SPTB: variants seen among roughly 807,000 people sequenced by gnomAD.
SPTB encodes spectrin beta, erythrocytic.
In SPTB, 45 loss-of-function variants were observed where a neutral mutation model predicts 256.2. The observed-to-expected ratio is 0.18, with a 90% CI of 0.14 to 0.23. The LOEUF is 0.23. SPTB is among the 10% of genes least tolerant of loss of function. The pLI, the probability that SPTB is intolerant of heterozygous loss-of-function variation, is 1.00. For synonymous variants in SPTB, 1,231 were observed against 1,243.1 expected (o/e 0.99, Z 0.21); for missense variants, 2,715 against 3,040.4 (o/e 0.89, Z 2.52).
intron 32 of SPTB, among the ~76,000 whole-genome samples, chr14:64,765,054 G>A (rs1285981540): frequency 4.0e-5 from 6 of 148,682 alleles, no homozygotes; most frequent in Non-Finnish European, 6.0e-5. Context: ...GCGCGCGCGC[G>A]CGGGTGGTGG....
chr14:64,782,316 C>T lies in SPTB; in HGVS notation c.4240G>A (p.Val1414Ile). The T allele has an allele frequency of 6.2e-7, 1 of 1,614,240 alleles. No individual in the cohort carries two copies. Among genetic ancestry groups the T allele is most frequent in the South Asian group, 1.1e-5 (1 of 91,080 alleles). The part of the protein sequence containing the change: ...SDDPGKDLTS[V>I]NRMLAKLKRV... ...TTCAGCTTAGCCAACATCCGATTGA[C>T]ACTGGTCAGGTCCTTGCCCGGGTCG... Residue 1414 changes from valine (V) to isoleucine (I), a missense_variant, in exon 20 of 36, where the codon GTC (valine) becomes ATC (isoleucine). Coordinates refer to ENST00000644917, the MANE Select transcript of SPTB (RefSeq NM_001355436.2).
At position 64,767,829 on chromosome 14, in the gene SPTB, G is replaced by A; in HGVS notation, c.6053C>T (p.Ala2018Val). 1.2e-6 allele frequency: 2 copies of A among 1,614,042 alleles called. No homozygotes were observed. The highest frequency in any genetic ancestry group is 8.5e-7 in the Non-Finnish European group (1 of 1,179,980). The change falls in exon 30 of 36, where the codon GCC (alanine) becomes GTC (valine). Residue 2018 changes from alanine (A) to valine (V), a missense_variant. Transcript: ENST00000644917. Reference protein sequence around the residue: ...LLEVCQFSRDASVAEAWLIAQ... With the variant: ...LLEVCQFSRDVSVAEAWLIAQ... The stretch of plus-strand genomic sequence containing the variant: ...AATCAGCCACGCCTCAGCCACAGAG[G>A]CATCCCTCGAGAACTGGCACACCTC...
chr14:64,831,720 G>A (rs148773999), intron 1 of SPTB, among the ~76,000 whole-genome samples: 9 of 152,278 alleles, frequency 5.9e-5, no homozygotes, highest in South Asian at 2.1e-4. Flanking sequence ...TTGTGGTGGC[G>A]GGGAGGTGGA....
chr14:64,877,266 A>C (rs190499078), intron 1 of SPTB, among the ~76,000 whole-genome samples: 1 of 152,342 alleles, frequency 6.6e-6, no homozygotes, highest in Non-Finnish European at 1.5e-5. Context: ...ATAAATGCCC[A>C]ATATTATCTT....
At position 64,792,505 on chromosome 14, in the gene SPTB, C is replaced by T. The variant is rs2082691119; in HGVS notation, c.2666+492G>A. ...AGATGCTGCACAGACTGGGGCATGCCTCATCATCTGGGGTGCTGACAAAAT... is the reference window on the plus strand; with the variant it reads ...AGATGCTGCACAGACTGGGGCATGCTTCATCATCTGGGGTGCTGACAAAAT... On this transcript the variant is annotated intron_variant, in intron 14 of 35. Transcript: ENST00000644917. The surrounding 1 kb of genome is among the most constrained non-coding windows in gnomAD (Gnocchi z 4.2). Among the ~76,000 whole-genome samples, 1 of 152,158 alleles carries T rather than the reference C, an allele frequency of 6.6e-6. No individual in the cohort carries two copies. The highest frequency in any genetic ancestry group is 2.4e-5 in the African/African-American group (1 of 41,446).
At position 64,793,918 on chromosome 14, in the gene SPTB, T is replaced by C. The variant is rs2082722062; in HGVS notation, c.1796-51A>G. ...CAAAGTGGGGGATGGGCTTCATTTATGGGCACGCTTCAGATAAGCTGCTAG... is the reference window on the plus strand; with the variant it reads ...CAAAGTGGGGGATGGGCTTCATTTACGGGCACGCTTCAGATAAGCTGCTAG... On this transcript the variant is annotated intron_variant, in intron 13 of 35. Transcript: ENST00000644917. The surrounding 1 kb of genome is among the most constrained non-coding windows in gnomAD (Gnocchi z 7.0). 4 of 1,556,764 alleles carry C rather than the reference T, an allele frequency of 2.6e-6. No individual in the cohort carries two copies. Among genetic ancestry groups the C allele is most frequent in the Non-Finnish European group, 1.7e-6 (2 of 1,156,798 alleles).
rs1434027617 is a variant in SPTB, at chr14:64,873,317, T to A, written c.-52+6475A>T. 1.3e-5 allele frequency among the ~76,000 whole-genome samples: 2 copies of A among 152,234 alleles called. No individual in the cohort carries two copies. Among genetic ancestry groups the A allele is most frequent in the Non-Finnish European group, 2.9e-5 (2 of 68,040 alleles). On this transcript the variant is annotated intron_variant, in intron 1 of 35. Transcript: ENST00000644917. This position sits in a 1 kb window ranked among gnomAD's most constrained non-coding sequence, Gnocchi z 4.3. ...TGTTACATTCCCTGGGCCTACAGCA[T>A]GTCTGGCAAATTAAATGAGAACTCA...
intron 27 of SPTB, among the ~76,000 whole-genome samples, 190 bp downstream of exon 27, chr14:64,770,695 C>T (rs1215114140): frequency 2.0e-5 from 3 of 152,228 alleles, no homozygotes; most frequent in African/African-American, 7.2e-5. Flanking sequence ...GATTGGTCCT[C>T]CCAGTGGAAG....
At chr14:64,814,755 C>T (rs1479875184) in intron 2 of SPTB, among the ~76,000 whole-genome samples, 1 of 152,220 alleles carries the variant, frequency 6.6e-6, no homozygotes, top group Non-Finnish European at 1.5e-5. Context: ...GGCCTCCCCG[C>T]TCAGCCTCCC....
Position 64,764,354 on chromosome 14 carries a change from T to C in SPTB, c.6345+2372A>G, listed in dbSNP as rs2082135826. ...GAGGTTCGTGGATCCCCATGAGAAC[T>C]TAACAAAAGGCTCAGAAGGGAGCAG... On this transcript the variant is annotated intron_variant, in intron 32 of 35. Coordinates refer to ENST00000644917, the MANE Select transcript of SPTB (RefSeq NM_001355436.2). The surrounding 1 kb of genome is among the most constrained non-coding windows in gnomAD (Gnocchi z 4.2). 6.6e-6 allele frequency among the ~76,000 whole-genome samples: 1 copy of C among 152,210 alleles called. No individual in the cohort carries two copies. Among genetic ancestry groups the C allele is most frequent in the South Asian group, 2.1e-4 (1 of 4,834 alleles).
rs1377758816 is a variant in SPTB at position 64,749,221 on chromosome 14, G to GATTC, written c.*84_*85insGAAT. On this transcript the variant is annotated 3_prime_UTR_variant, in exon 36 of 36. Coordinates refer to ENST00000644917, the MANE Select transcript of SPTB (RefSeq NM_001355436.2). This position sits in a 1 kb window ranked among gnomAD's most constrained non-coding sequence, Gnocchi z 4.7. ...CGACTCGACTCATCTCGATTCGACC[G>GATTC]GCGGGCGGCGGCGAGAGGAGGCCAA... 1,200 of 1,480,084 alleles carry GATTC rather than the reference G, an allele frequency of 8.1e-4. No individual in the cohort carries two copies. Among genetic ancestry groups the GATTC allele is most frequent in the Non-Finnish European group, 1.1e-3 (1,172 of 1,100,142 alleles). 91.7% of individuals were successfully genotyped at this position (1,480,084 alleles called of 1,614,324 possible).
chr14:64,786,392 A>G lies in SPTB; in HGVS notation c.3561+12T>C. 1 of 1,613,926 alleles carries G rather than the reference A, an allele frequency of 6.2e-7. No individual in the cohort carries two copies. The highest frequency in any genetic ancestry group is 1.1e-5 in the South Asian group (1 of 91,080). On this transcript the variant is annotated intron_variant, in intron 16 of 35. Coordinates refer to ENST00000644917, the MANE Select transcript of SPTB (RefSeq NM_001355436.2). The surrounding 1 kb of genome is among the most constrained non-coding windows in gnomAD (Gnocchi z 5.6). ...AGAGACCCGCCTGTCCCAGCCCTGAATGCCTCTCTACCTGGTTGCTGAGGA... is the reference window on the plus strand; with the variant it reads ...AGAGACCCGCCTGTCCCAGCCCTGAGTGCCTCTCTACCTGGTTGCTGAGGA...
At chr14:64,846,524 AG>A (rs1376774444) in intron 1 of SPTB, among the ~76,000 whole-genome samples, 1 of 152,234 alleles carries the variant, frequency 6.6e-6, no homozygotes, top group Non-Finnish European at 1.5e-5. Flanking sequence ...TGACAGCATG[AG>A]GCAGATAAAT....
Position 64,823,226 on chromosome 14 carries a change from C to A in SPTB, c.-51-81G>T. Reference sequence around the variant, plus strand: ...TCCGGGGAAACTTATTCGGAGCATCCAACGTGAGTAGATCCTGACAGAAGC... The same window carrying A: ...TCCGGGGAAACTTATTCGGAGCATCAAACGTGAGTAGATCCTGACAGAAGC... On this transcript the variant is annotated intron_variant, in intron 1 of 35. Coordinates refer to ENST00000644917, the MANE Select transcript of SPTB (RefSeq NM_001355436.2). This position sits in a 1 kb window ranked among gnomAD's most constrained non-coding sequence, Gnocchi z 6.5. The A allele has an allele frequency of 1.9e-6, 2 of 1,049,236 alleles. No individual in the cohort carries two copies. The highest frequency in any genetic ancestry group is 2.9e-6 in the Non-Finnish European group (2 of 691,810). The allele number at this position is 1,049,236 out of a possible 1,614,324, so 65.0% of individuals were successfully genotyped here.
Position 64,770,999 on chromosome 14 carries a change from C to T in SPTB, c.5684G>A (p.Arg1895His), listed in dbSNP as rs1357134262. ...CGCCGTGTCCACTAGCTGGGTCCGG[C>T]GCCCGGCACAGGCATCGAGCAGCGC... The part of the protein sequence containing the change: ...WQALLDACAG[R>H]RTQLVDTADK... The change falls in exon 27 of 36, where the codon CGC (arginine) becomes CAC (histidine). Residue 1895 changes from arginine to histidine, a missense_variant. Physicochemically the swap from Arg to His is conservative, Grantham distance 29 (BLOSUM62 0). This residue lies in a region of SPTB where 2,239 missense variants were observed against 2,384.4 expected (regional missense o/e 0.94). Coordinates refer to ENST00000644917, the MANE Select transcript of SPTB (RefSeq NM_001355436.2). 2.5e-6 allele frequency: 4 copies of T among 1,614,144 alleles called. No homozygotes were observed. The highest frequency in any genetic ancestry group is 2.5e-6 in the Non-Finnish European group (3 of 1,180,046).
At position 64,804,819 on chromosome 14, in the gene SPTB, C is replaced by T. The variant is rs2082951572; in HGVS notation, c.300+120G>A. 4.6e-6 allele frequency: 6 copies of T among 1,304,062 alleles called. No homozygotes were observed. The East Asian group carries it at 9.2e-5, about 20-fold the overall frequency. 80.8% of individuals were successfully genotyped at this position (1,304,062 alleles called of 1,614,324 possible). ...TGCTTCCCATTCTAAGTATTAGAGC[C>T]TCCCAAAGGAGCAGAGAGAAAACTG... On this transcript the variant is annotated intron_variant, in intron 3 of 35. Transcript: ENST00000644917.
rs2082417477 is a variant in SPTB at position 64,779,143 on chromosome 14, G to C, written c.4563+14C>G. ...GAGGGGTGGGTGGGGCTGGTGAGGTGACGCAGGACTCACCTGGTTCTTCTT... is the reference window on the plus strand; with the variant it reads ...GAGGGGTGGGTGGGGCTGGTGAGGTCACGCAGGACTCACCTGGTTCTTCTT... On this transcript the variant is annotated intron_variant, in intron 22 of 35. Coordinates refer to ENST00000644917, the MANE Select transcript of SPTB (RefSeq NM_001355436.2). The surrounding 1 kb of genome is among the most constrained non-coding windows in gnomAD (Gnocchi z 4.2). 1.2e-6 allele frequency: 2 copies of C among 1,611,428 alleles called. No homozygotes were observed. The highest frequency in any genetic ancestry group is 1.7e-5 in the Admixed American group (1 of 59,980).
Position 64,823,855 on chromosome 14 carries a change from ACCCAAAGGAGCCTGCTGT to A in SPTB, c.-51-728_-51-711del. 6.6e-6 allele frequency among the ~76,000 whole-genome samples: 1 copy of A among 152,270 alleles called. No individual in the cohort carries two copies. Among genetic ancestry groups the A allele is most frequent in the Middle Eastern group, 3.4e-3 (1 of 294 alleles). On this transcript the variant is annotated intron_variant, in intron 1 of 35. Coordinates refer to ENST00000644917, the MANE Select transcript of SPTB (RefSeq NM_001355436.2). The surrounding 1 kb of genome is among the most constrained non-coding windows in gnomAD (Gnocchi z 6.5). Reference sequence around the variant, plus strand: ...GTTGAATTCCAGGACAGACTGAGCAACCCAAAGGAGCCTGCTGTCCCATCAAGCACGTGGCAGTCGGGG... The same window carrying A: ...GTTGAATTCCAGGACAGACTGAGCAACCCATCAAGCACGTGGCAGTCGGGG...
At chr14:64,750,366 C>A in intron 33 of SPTB, 1 of 538,306 alleles carries the variant, frequency 1.9e-6, no homozygotes, top group South Asian at 3.5e-5. Flanking sequence ...TTCACATTTT[C>A]GCATTTTTTT....
Sources: allele counts gnomAD v4.1 joint callset (sites outside exome capture counted in the v4.1 genomes callset), GRCh38; gene constraint gnomAD v4.1.1; regional missense constraint gnomAD v4.1.1; non-coding constraint Gnocchi (gnomAD v3.1); transcripts MANE v1.5; gene names NCBI Gene and HGNC (gene_info 2026-07-23, HGNC 2026-07-21).